The following ALPK3 variants were observed in gnomAD, a reference collection of about 807,000 sequenced individuals.
ALPK3 encodes the protein alpha kinase 3.
ALPK3 carries 102 observed loss-of-function variants against 140.0 expected under a neutral mutation model. That is an observed-to-expected ratio of 0.73 (90% CI 0.62 to 0.86). ALPK3 has a LOEUF of 0.86. Ranked by LOEUF, ALPK3 falls within the 40% of genes least tolerant of loss-of-function variation. The probability of loss-of-function intolerance (pLI) is 0.00; values close to 1 mark genes in which losing one functional copy is unlikely to be tolerated. For missense variants in ALPK3, 2,254 were observed against 2,208.2 expected (o/e 1.02, Z -0.42); for synonymous variants, 938 against 898.5 (o/e 1.04, Z -0.79).
chr15:84,852,669 C>A, intron 5 of ALPK3: 1 of 197,628 alleles, frequency 5.1e-6, no homozygotes, highest in Non-Finnish European at 1.1e-5. Context: ...ATTTTCAGAC[C>A]AAGATTGGCC....
chr15:84,839,241 A>T, intron 4 of ALPK3, 144 bp downstream of exon 4: 1 of 714,008 alleles, frequency 1.4e-6, no homozygotes, highest in South Asian at 1.8e-5. Context: ...GTGTGGTTGA[A>T]CCACCTGGTG....
intron 4 of ALPK3, 33 bp from the exon 5 acceptor site, chr15:84,839,669 G>C (rs754886224): frequency 6.4e-7 from 1 of 1,558,542 alleles, no homozygotes; most frequent in Non-Finnish European, 8.7e-7. Flanking sequence ...CTCCCAGGAG[G>C]GGAGAGGTGG....
At chr15:84,838,084 C>G (rs776071067) in intron 3 of ALPK3, among the ~76,000 whole-genome samples, 1 of 152,288 alleles carries the variant, frequency 6.6e-6, no homozygotes, top group South Asian at 2.1e-4. Flanking sequence ...GCTGGGCAGA[C>G]ACCTCAGTCG....
chr15:84,826,909 T>C (rs1399983394), intron 2 of ALPK3, among the ~76,000 whole-genome samples: 2 of 152,192 alleles, frequency 1.3e-5, no homozygotes, highest in Non-Finnish European at 2.9e-5. Flanking sequence ...CCCTTGGGTC[T>C]AGACCCCTAG....
chr15:84,865,600 T>C (rs2141574804), intron 12 of ALPK3, among the ~76,000 whole-genome samples: 1 of 152,318 alleles, frequency 6.6e-6, no homozygotes, highest in South Asian at 2.1e-4. Flanking sequence ...AATGTCATCG[T>C]CCTCAAGAAG....
Position 84,872,841 on chromosome 15 carries a change from T to C in ALPK3, c.*4385T>C, listed in dbSNP as rs1964089713. The C allele has an allele frequency of 6.6e-6, 1 of 152,220 alleles. No homozygotes were observed. Among genetic ancestry groups the C allele is most frequent in the African/African-American group, 2.4e-5 (1 of 41,458 alleles). 9.4% of individuals were successfully genotyped at this position (152,220 alleles called of 1,614,324 possible). A position where few individuals can be genotyped will look rare whatever the true frequency, so the allele number is the denominator to read the frequency against. ...TGCATCTAAGTGTTAAAATAAGTTT[T>C]TCCTTCAAAAATACATTTGACTTCC... is the stretch of plus-strand genomic sequence containing the variant. On this transcript the variant is annotated 3_prime_UTR_variant, in exon 14 of 14. Coordinates refer to ENST00000258888, the MANE Select transcript of ALPK3 (RefSeq NM_020778.5).
rs1421848684 is a variant in ALPK3, at chr15:84,872,717, C to T, written c.*4261C>T. The T allele has an allele frequency of 6.6e-6, 1 of 152,242 alleles. No homozygotes were observed. The highest frequency in any genetic ancestry group is 1.5e-5 in the Non-Finnish European group (1 of 68,052). The allele number at this position is 152,242 out of a possible 1,614,324, so 9.4% of individuals were successfully genotyped here. ...CCCACTCTGATTCACATATGTTTGA[C>T]CAAGGCACTGGGCAGCTGCCAATTT... is the stretch of plus-strand genomic sequence containing the variant. On this transcript the variant is annotated 3_prime_UTR_variant, in exon 14 of 14. Coordinates refer to ENST00000258888, the MANE Select transcript of ALPK3 (RefSeq NM_020778.5).
chr15:84,817,584 G>C lies in ALPK3; in HGVS notation c.132G>C (p.Arg44=). The C allele has an allele frequency of 6.7e-7, 1 of 1,500,680 alleles. No homozygotes were observed. The highest frequency in any genetic ancestry group is 8.8e-7 in the Non-Finnish European group (1 of 1,130,422). The allele number at this position is 1,500,680 out of a possible 1,614,324, so 93.0% of individuals were successfully genotyped here. A position where few individuals can be genotyped will look rare whatever the true frequency, so the allele number is the denominator to read the frequency against. ...PASRSYLLSV[R]PETSLSSNRL... ...GCCGGAGCTACCTGCTCAGCGTGCG[G>C]CCCGAGACCAGGTAAGTGGCACCAA... The change falls in exon 1 of 14, where the codon CGG becomes CGC. Residue 44 remains arginine, a synonymous_variant. Coordinates refer to ENST00000258888, the MANE Select transcript of ALPK3 (RefSeq NM_020778.5).
intron 9 of ALPK3, 122 bp from the exon 10 acceptor site, chr15:84,862,513 C>T (rs961480751): frequency 4.1e-5 from 51 of 1,251,532 alleles, no homozygotes; most frequent in Middle Eastern, 2.7e-4. Flanking sequence ...CAGGCGTGGA[C>T]GGAAAGTGAG....
chr15:84,861,849 G>A (rs1963949172), intron 9 of ALPK3, among the ~76,000 whole-genome samples: 2 of 152,044 alleles, frequency 1.3e-5, no homozygotes, highest in Non-Finnish European at 2.9e-5. Flanking sequence ...GGAGGAGATT[G>A]GATTCTTTTT....
At chr15:84,847,250 G>GAGAGAGA in intron 5 of ALPK3, among the ~76,000 whole-genome samples, 2 of 74,064 alleles carry the variant, frequency 2.7e-5, no homozygotes, top group African/African-American at 4.9e-5. Flanking sequence ...AGAGAGAGAG[G>GAGAGAGA]AATCAGAAAA....
At chr15:84,822,701 G>C (rs549013382) in intron 1 of ALPK3, among the ~76,000 whole-genome samples, 7 of 152,216 alleles carry the variant, frequency 4.6e-5, no homozygotes. Flanking sequence ...GCTGCCCCAG[G>C]CAAGAGAGAT....
chr15:84,833,070 C>T (rs1272542812), intron 3 of ALPK3, among the ~76,000 whole-genome samples: 1 of 152,192 alleles, frequency 6.6e-6, no homozygotes, highest in Non-Finnish European at 1.5e-5. Context: ...CTCATGATGA[C>T]CAGGCAGGGC....
In ALPK3 at chr15:84,864,436, G is replaced by C. The variant is rs774546464; in HGVS notation, c.4500-6G>C. 1 of 1,613,192 alleles carries C rather than the reference G, an allele frequency of 6.2e-7. No homozygotes were observed. Among genetic ancestry groups the C allele is most frequent in the Non-Finnish European group, 8.5e-7 (1 of 1,179,318 alleles). ...CCTGCTTACTGCAGGGTGAAACTAT[G>C]TTTAGGATCATCCCACTGTATCTGA... On this transcript the variant is annotated splice_region_variant and splice_polypyrimidine_tract_variant and intron_variant, in intron 11 of 13. Coordinates refer to ENST00000258888, the MANE Select transcript of ALPK3 (RefSeq NM_020778.5).
chr15:84,850,889 C>T (rs933463000), intron 5 of ALPK3, among the ~76,000 whole-genome samples: 2 of 151,148 alleles, frequency 1.3e-5, no homozygotes, highest in African/African-American at 2.5e-5. Context: ...TACACACACA[C>T]ACACACACAC....
Position 84,857,246 on chromosome 15 carries a change from C to T in ALPK3, c.2508C>T (p.Phe836=). 1 of 1,613,998 alleles carries T rather than the reference C, an allele frequency of 6.2e-7. No homozygotes were observed. Among genetic ancestry groups the T allele is most frequent in the Non-Finnish European group, 8.5e-7 (1 of 1,179,936 alleles). ...AGGCCAAGCAGGAGGACAGCCCGTT[C>T]CAGTGCCCCAAGGAGGAGCGGCCAG... ...PVEAKQEDSP[F]QCPKEERPGG... Residue 836 remains phenylalanine (F), a synonymous_variant, in exon 6 of 14, where the codon TTC becomes TTT. Transcript: ENST00000258888.
At chr15:84,844,311 G>A (rs1963703873) in intron 5 of ALPK3, among the ~76,000 whole-genome samples, 5 of 152,086 alleles carry the variant, frequency 3.3e-5, no homozygotes, top group Admixed American at 3.3e-4. Context: ...GGAGGCTGAG[G>A]CACGAGAATC....
At chr15:84,825,643 T>G (rs1462484072) in intron 2 of ALPK3, among the ~76,000 whole-genome samples, 3 of 152,116 alleles carry the variant, frequency 2.0e-5, no homozygotes, top group Non-Finnish European at 4.4e-5. Flanking sequence ...AGGTCATGGA[T>G]GAGATAGGAT....
At chr15:84,834,374 G>T (rs1262670937) in intron 3 of ALPK3, among the ~76,000 whole-genome samples, 1 of 152,210 alleles carries the variant, frequency 6.6e-6, no homozygotes. Context: ...TTGGACAAGA[G>T]CTTTAATTTC....
Sources: allele counts gnomAD v4.1 joint callset (sites outside exome capture counted in the v4.1 genomes callset), GRCh38; gene constraint gnomAD v4.1.1; transcripts MANE v1.5; gene names NCBI Gene and HGNC (gene_info 2026-07-23, HGNC 2026-07-21).